Variants in IGSF3 observed in about 807,000 individuals in gnomAD.
The protein encoded by IGSF3 is immunoglobulin superfamily member 3, also known as glu-Trp-Ile EWI motif-containing protein 3.
Under a neutral mutation model 114.4 loss-of-function variants are expected in IGSF3, and 23 were observed. That is an observed-to-expected ratio of 0.20 (90% CI 0.14 to 0.28). The LOEUF (loss-of-function observed/expected upper bound fraction) is 0.28. Ranked by LOEUF, IGSF3 falls within the 10% of genes least tolerant of loss-of-function variation. The pLI, the probability that IGSF3 is intolerant of heterozygous loss-of-function variation, is 1.00. For missense variants in IGSF3, 1,172 were observed against 1,591.5 expected, an observed-to-expected ratio of 0.74 and a Z score of 4.48; for synonymous variants, 571 against 645.2, an observed-to-expected ratio of 0.88 and a Z score of 1.74.
In IGSF3 at chr1:116,627,438, T is replaced by G. The variant is rs1221211640; in HGVS notation, c.44-10981A>C. Among the ~76,000 whole-genome samples, 1 of 152,008 alleles carries G rather than the reference T, an allele frequency of 6.6e-6. No individual in the cohort carries two copies. The highest frequency in any genetic ancestry group is 1.5e-5 in the Non-Finnish European group (1 of 67,984). The stretch of plus-strand genomic sequence containing the variant: ...CCTCTACTGGCCGCCACCACCACCC[T>G]CTCCTAAAGAGGACTGGAATAACTT... On this transcript the variant is annotated intron_variant, in intron 2 of 10. Coordinates refer to ENST00000369486, the MANE Select transcript of IGSF3 (RefSeq NM_001007237.3). This position sits in a 1 kb window ranked among gnomAD's most constrained non-coding sequence, Gnocchi z 4.7.
In IGSF3 at chr1:116,588,304, C is replaced by T. The variant is rs1304878068; in HGVS notation, c.2440+390G>A. 6.6e-6 allele frequency among the ~76,000 whole-genome samples: 1 copy of T among 152,126 alleles called. No homozygotes were observed. Among genetic ancestry groups the T allele is most frequent in the African/African-American group, 2.4e-5 (1 of 41,436 alleles). ...TGCAGATGCATAAAACCAGAAAATG[C>T]CTTCTAGGTAGGAACTCTGGGTGTG... is the stretch of plus-strand genomic sequence containing the variant. On this transcript the variant is annotated intron_variant, in intron 8 of 10. Coordinates refer to ENST00000369486, the MANE Select transcript of IGSF3 (RefSeq NM_001007237.3). This position sits in a 1 kb window ranked among gnomAD's most constrained non-coding sequence, Gnocchi z 4.9.
Position 116,610,975 on chromosome 1 carries a change from C to T in IGSF3, c.833-2644G>A, listed in dbSNP as rs139974641. Among the ~76,000 whole-genome samples the T allele has an allele frequency of 1.0e-2, 1,516 of 152,326 alleles. 33 individuals carry two copies. Among genetic ancestry groups the T allele is most frequent in the African/African-American group, 0.035 (1,471 of 41,560 alleles). On this transcript the variant is annotated intron_variant, in intron 4 of 10. Transcript: ENST00000369486. The surrounding 1 kb of genome is among the most constrained non-coding windows in gnomAD (Gnocchi z 4.3). Reference sequence around the variant, plus strand: ...CCTCATTATTGTTCCTTCCCTCCCACAGTTCAAGGAACCCCCAGAGCCCCA... The same window carrying T: ...CCTCATTATTGTTCCTTCCCTCCCATAGTTCAAGGAACCCCCAGAGCCCCA...
At chr1:116,645,824 C>T (rs1298875473) in intron 2 of IGSF3, among the ~76,000 whole-genome samples, 1 of 152,212 alleles carries the variant, frequency 6.6e-6, no homozygotes, top group Non-Finnish European at 1.5e-5. Flanking sequence ...CAAGGACCAG[C>T]AGGAGGACTC....
Position 116,603,457 on chromosome 1 carries a change from C to A in IGSF3, c.1624+167G>T, listed in dbSNP as rs901457744. 1.3e-5 allele frequency among the ~76,000 whole-genome samples: 2 copies of A among 152,162 alleles called. No homozygotes were observed. The highest frequency in any genetic ancestry group is 4.8e-5 in the African/African-American group (2 of 41,420). On this transcript the variant is annotated intron_variant, in intron 6 of 10. Transcript: ENST00000369486. This position sits in a 1 kb window ranked among gnomAD's most constrained non-coding sequence, Gnocchi z 7.1. ...CTAGCACTATCTTAATTAATTAAAC[C>A]CTTATAAGAAATAAAATAGACATAA...
rs956838713 is a variant in IGSF3 at position 116,662,441 on chromosome 1, A to G, written c.43+3843T>C. On this transcript the variant is annotated intron_variant, in intron 2 of 10. Transcript: ENST00000369486. This position sits in a 1 kb window ranked among gnomAD's most constrained non-coding sequence, Gnocchi z 4.3. ...AAAAATGTGATAATGCAAGGTATCT[A>G]TCTTACAGGGTTGTTTTGAAGACTG... is the stretch of plus-strand genomic sequence containing the variant. 2.6e-5 allele frequency among the ~76,000 whole-genome samples: 4 copies of G among 152,162 alleles called. No individual in the cohort carries two copies. Among genetic ancestry groups the G allele is most frequent in the African/African-American group, 9.7e-5 (4 of 41,444 alleles).
chr1:116,658,956 G>A (rs1237289037), intron 2 of IGSF3, among the ~76,000 whole-genome samples: 2 of 152,210 alleles, frequency 1.3e-5, no homozygotes, highest in Non-Finnish European at 2.9e-5. Context: ...TGGTCGTCTG[G>A]ATAATGGGAA....
rs1442656980 is a variant in IGSF3, at chr1:116,576,686, G to A, written c.*626C>T. On this transcript the variant is annotated 3_prime_UTR_variant, in exon 11 of 11. Transcript: ENST00000369486. The surrounding 1 kb of genome is among the most constrained non-coding windows in gnomAD (Gnocchi z 4.6). ...CTTTGAAGCAAAATTCAGTGCTTTC[G>A]TCTTGACTACAAAGTGGTTCCAATA... 1.3e-5 allele frequency: 2 copies of A among 152,798 alleles called. No individual in the cohort carries two copies. The highest frequency in any genetic ancestry group is 2.4e-5 in the African/African-American group (1 of 41,450). 9.5% of individuals were successfully genotyped at this position (152,798 alleles called of 1,614,324 possible). A position where few individuals can be genotyped will look rare whatever the true frequency, so the allele number is the denominator to read the frequency against.
In IGSF3 at chr1:116,613,753, A is replaced by C; in HGVS notation, c.832+12T>G. On this transcript the variant is annotated intron_variant, in intron 4 of 10. Coordinates refer to ENST00000369486, the MANE Select transcript of IGSF3 (RefSeq NM_001007237.3). ...AAGTAAAGGACAGGACAAGAGGCTC[A>C]GAGGGACTGACCAGTTGGCTGGACG... The C allele has an allele frequency of 1.9e-6, 3 of 1,610,542 alleles. No homozygotes were observed. Among genetic ancestry groups the C allele is most frequent in the African/African-American group, 2.7e-5 (2 of 74,992 alleles).
In IGSF3 at chr1:116,595,802, G is replaced by A. The variant is rs567420243; in HGVS notation, c.2029+4139C>T. 2.0e-5 allele frequency among the ~76,000 whole-genome samples: 3 copies of A among 152,342 alleles called. No individual in the cohort carries two copies. The South Asian group carries it at 6.2e-4, about 32-fold the overall frequency. On this transcript the variant is annotated intron_variant, in intron 7 of 10. Coordinates refer to ENST00000369486, the MANE Select transcript of IGSF3 (RefSeq NM_001007237.3). This position sits in a 1 kb window ranked among gnomAD's most constrained non-coding sequence, Gnocchi z 4.2. Reference sequence around the variant, plus strand: ...GATATGTAATTGGAGGGTGTTTTGAGCTAAAGAAAATCAGAAGGAAGCAAG... The same window carrying A: ...GATATGTAATTGGAGGGTGTTTTGAACTAAAGAAAATCAGAAGGAAGCAAG...
At chr1:116,608,947 G>T (rs1660906754) in intron 4 of IGSF3, among the ~76,000 whole-genome samples, 1 of 152,018 alleles carries the variant, frequency 6.6e-6, no homozygotes, top group Non-Finnish European at 1.5e-5. Flanking sequence ...ACTAATGTCT[G>T]TTCACTAGTT....
In IGSF3 at chr1:116,655,735, GTATT is replaced by G. The variant is rs1648820625; in HGVS notation, c.43+10545_43+10548del. Among the ~76,000 whole-genome samples the G allele has an allele frequency of 6.6e-6, 1 of 152,030 alleles. No homozygotes were observed. Among genetic ancestry groups the G allele is most frequent in the Non-Finnish European group, 1.5e-5 (1 of 68,006 alleles). On this transcript the variant is annotated intron_variant, in intron 2 of 10. Coordinates refer to ENST00000369486, the MANE Select transcript of IGSF3 (RefSeq NM_001007237.3). The surrounding 1 kb of genome is among the most constrained non-coding windows in gnomAD (Gnocchi z 4.3). ...TTAACTGAATTAGACACAAAACTAA[GTATT>G]TATGGTTGTCATCTTAACAGGTTTC...
At chr1:116,626,344 T>C (rs1364128094) in intron 2 of IGSF3, among the ~76,000 whole-genome samples, 1 of 151,212 alleles carries the variant, frequency 6.6e-6, no homozygotes, top group Non-Finnish European at 1.5e-5. Flanking sequence ...TATCGTCCCT[T>C]TCATTGAGTT....
intron 2 of IGSF3, among the ~76,000 whole-genome samples, chr1:116,637,705 A>T (rs1470160211): frequency 6.6e-6 from 1 of 152,194 alleles, no homozygotes; most frequent in Non-Finnish European, 1.5e-5. Context: ...AAAACCTTGC[A>T]TTCACCCTTG....
At position 116,648,442 on chromosome 1, in the gene IGSF3, T is replaced by G. The variant is rs1257630497; in HGVS notation, c.43+17842A>C. 2.0e-5 allele frequency among the ~76,000 whole-genome samples: 3 copies of G among 152,214 alleles called. No individual in the cohort carries two copies. Among genetic ancestry groups the G allele is most frequent in the Non-Finnish European group, 4.4e-5 (3 of 68,038 alleles). ...AATGCCTTTCCCACGTGTCTAACTC[T>G]GCTTTGTTTAAAGCACAGTCAGACC... On this transcript the variant is annotated intron_variant, in intron 2 of 10. Transcript: ENST00000369486. This position sits in a 1 kb window ranked among gnomAD's most constrained non-coding sequence, Gnocchi z 4.7.
chr1:116,657,275 C>A lies in IGSF3; in HGVS notation c.43+9009G>T, dbSNP rs1648898588. On this transcript the variant is annotated intron_variant, in intron 2 of 10. Coordinates refer to ENST00000369486, the MANE Select transcript of IGSF3 (RefSeq NM_001007237.3). The surrounding 1 kb of genome is among the most constrained non-coding windows in gnomAD (Gnocchi z 4.2). ...TTCCTCTCCCTGATGAAAAGTGCCA[C>A]CTAGCAAGGTCAATCAAGGTCACCA... Among the ~76,000 whole-genome samples, 1 of 152,140 alleles carries A rather than the reference C, an allele frequency of 6.6e-6. No individual in the cohort carries two copies. Among genetic ancestry groups the A allele is most frequent in the Non-Finnish European group, 1.5e-5 (1 of 68,038 alleles).
At chr1:116,604,990 A>T (rs1403672416) in intron 5 of IGSF3, among the ~76,000 whole-genome samples, 1 of 152,212 alleles carries the variant, frequency 6.6e-6, no homozygotes, top group East Asian at 1.9e-4. Context: ...GGTCATCATG[A>T]TCATGATTAA....
intron 2 of IGSF3, among the ~76,000 whole-genome samples, chr1:116,626,424 C>G (rs989286397): frequency 6.6e-6 from 1 of 152,120 alleles, no homozygotes; most frequent in African/African-American, 2.4e-5. Context: ...CTTTATATAG[C>G]TGCACAGTAT....
At position 116,649,808 on chromosome 1, in the gene IGSF3, T is replaced by A. The variant is rs944836149; in HGVS notation, c.43+16476A>T. Among the ~76,000 whole-genome samples, 1 of 152,210 alleles carries A rather than the reference T, an allele frequency of 6.6e-6. No homozygotes were observed. Among genetic ancestry groups the A allele is most frequent in the Non-Finnish European group, 1.5e-5 (1 of 68,046 alleles). ...CTTTTCCGGCTGCATAAGTCACGTG[T>A]CACCATATAAACTCACAATTTGAGG... On this transcript the variant is annotated intron_variant, in intron 2 of 10. Transcript: ENST00000369486. This position sits in a 1 kb window ranked among gnomAD's most constrained non-coding sequence, Gnocchi z 4.5.
In IGSF3 at chr1:116,648,103, CA is replaced by C. The variant is rs967365340; in HGVS notation, c.43+18180del. Among the ~76,000 whole-genome samples, 1 of 151,494 alleles carries C rather than the reference CA, an allele frequency of 6.6e-6. No homozygotes were observed. Among genetic ancestry groups the C allele is most frequent in the Non-Finnish European group, 1.5e-5 (1 of 67,866 alleles). On this transcript the variant is annotated intron_variant, in intron 2 of 10. Transcript: ENST00000369486. This position sits in a 1 kb window ranked among gnomAD's most constrained non-coding sequence, Gnocchi z 4.7. Reference sequence around the variant, plus strand: ...TGGGCGACACAGCAAGACTCCCTCTCAAAAAAAGAAAAAAAAGAGTGGCTAC... The same window carrying C: ...TGGGCGACACAGCAAGACTCCCTCTCAAAAAAGAAAAAAAAGAGTGGCTAC...
Sources: gnomAD v4.1 joint callset for allele counts (sites outside exome capture counted in the v4.1 genomes callset) on GRCh38, gnomAD v4.1.1 for gene constraint, Gnocchi (gnomAD v3.1) non-coding constraint, MANE v1.5 for transcripts, NCBI Gene and HGNC (gene_info 2026-07-23, HGNC 2026-07-21) for gene names.